Variants in TRIM24 observed in about 807,000 individuals in gnomAD.
TRIM24 encodes the protein transcription intermediary factor 1-alpha.
In TRIM24, 29 loss-of-function variants were observed where a neutral mutation model predicts 123.9. The ratio of observed to expected loss-of-function variants is 0.23; its 90% confidence interval spans 0.17 to 0.32. The LOEUF (loss-of-function observed/expected upper bound fraction) is 0.32, where lower values mean the gene tolerates loss of function less well. TRIM24 is among the 10% of genes least tolerant of loss of function. The probability of loss-of-function intolerance (pLI) is 1.00; values close to 1 mark genes in which losing one functional copy is unlikely to be tolerated. For synonymous variants in TRIM24, 456 were observed against 461.1 expected, an observed-to-expected ratio of 0.99 and a Z score of 0.14; for missense variants, 932 against 1,295.3, an observed-to-expected ratio of 0.72 and a Z score of 4.31.
At position 138,464,232 on chromosome 7, in the gene TRIM24, G is replaced by A. The variant is rs192251167; in HGVS notation, c.364+3320G>A. On this transcript the variant is annotated intron_variant, in intron 1 of 18. Transcript: ENST00000343526. Reference sequence around the variant, plus strand: ...AGGATGGTCTCGATCTCCTGACCTTGTGATCCGCCTGCCTTGGCCCCCAGA... The same window carrying A: ...AGGATGGTCTCGATCTCCTGACCTTATGATCCGCCTGCCTTGGCCCCCAGA... Among the ~76,000 whole-genome samples, 476 of 151,866 alleles carry A rather than the reference G, an allele frequency of 3.1e-3. 4 individuals are homozygous for A. Among genetic ancestry groups the A allele is most frequent in the African/African-American group, 0.011 (455 of 41,382 alleles).
rs975015266 is a variant in TRIM24 at position 138,586,249 on chromosome 7, A to G, written c.*1298A>G. On this transcript the variant is annotated 3_prime_UTR_variant, in exon 19 of 19. Transcript: ENST00000343526. The stretch of plus-strand genomic sequence containing the variant: ...ATCCAGCATTTGACACAATATCTAA[A>G]TGGTTTGCCGAAGTTAATCTGTATT... 14 of 177,280 alleles carry G rather than the reference A, an allele frequency of 7.9e-5. No homozygotes were observed. Among genetic ancestry groups the G allele is most frequent in the Admixed American group, 6.2e-4 (11 of 17,640 alleles). The allele number at this position is 177,280 out of a possible 1,614,324, so 11.0% of individuals were successfully genotyped here.
chr7:138,564,439 A>G (rs1308823187), intron 9 of TRIM24, among the ~76,000 whole-genome samples: 1 of 152,124 alleles, frequency 6.6e-6, no homozygotes, highest in Non-Finnish European at 1.5e-5. Context: ...ATGGAAGAGG[A>G]ATTTCTATCT....
intron 1 of TRIM24, among the ~76,000 whole-genome samples, chr7:138,474,428 C>A (rs1584686039): frequency 1.3e-5 from 2 of 152,076 alleles, no homozygotes; most frequent in Middle Eastern, 6.8e-3. Flanking sequence ...CCCGGCCTAT[C>A]TTGTACTTTT....
At chr7:138,535,471 A>G (rs984879961) in intron 6 of TRIM24, among the ~76,000 whole-genome samples, 1 of 152,076 alleles carries the variant, frequency 6.6e-6, no homozygotes, top group African/African-American at 2.4e-5. Context: ...TCCTTCACTT[A>G]TGAAGCTTAG....
chr7:138,513,171 T>A (rs1796325713), intron 2 of TRIM24, among the ~76,000 whole-genome samples: 2 of 152,186 alleles, frequency 1.3e-5, no homozygotes, highest in Non-Finnish European at 1.5e-5. Flanking sequence ...CAGCCTGGAC[T>A]TCATTGTCAT....
rs79511664 is a variant in TRIM24, at chr7:138,539,340, A to C, written c.1143+537A>C. ...ATCTGTAGTGCTGGATATTTTTGCC[A>C]CAGAAAAATAGCTCTGTGATTTGGT... On this transcript the variant is annotated intron_variant, in intron 7 of 18. Transcript: ENST00000343526. Among the ~76,000 whole-genome samples, 648 of 152,182 alleles carry C rather than the reference A, an allele frequency of 4.3e-3. 6 individuals carry two copies. The highest frequency in any genetic ancestry group is 0.015 in the African/African-American group (633 of 41,530).
At chr7:138,551,991 T>C (rs902588997) in intron 8 of TRIM24, among the ~76,000 whole-genome samples, 1 of 152,234 alleles carries the variant, frequency 6.6e-6, no homozygotes, top group Admixed American at 6.5e-5. Context: ...CATAATGATA[T>C]CTCAATCAGT....
intron 2 of TRIM24, among the ~76,000 whole-genome samples, chr7:138,507,251 C>G (rs1270048748): frequency 2.0e-5 from 3 of 152,030 alleles, no homozygotes; most frequent in African/African-American, 7.3e-5. Context: ...GGACCCATCG[C>G]CTAGATCAAT....
intron 4 of TRIM24, among the ~76,000 whole-genome samples, chr7:138,520,439 A>G (rs761433554): frequency 1.3e-5 from 2 of 152,258 alleles, no homozygotes; most frequent in African/African-American, 4.8e-5. Flanking sequence ...AACTTATTCA[A>G]TAATGAATTT....
chr7:138,567,705 T>G, intron 10 of TRIM24, 51 bp downstream of exon 10: 2 of 1,495,788 alleles, frequency 1.3e-6, no homozygotes, highest in Non-Finnish European at 1.8e-6. Flanking sequence ...CTTTCTACTT[T>G]CAAATCACAA....
At chr7:138,520,461 T>C (rs955358499) in intron 4 of TRIM24, among the ~76,000 whole-genome samples, 2 of 152,182 alleles carry the variant, frequency 1.3e-5, no homozygotes, top group Non-Finnish European at 1.5e-5. Context: ...GCAAAAACAG[T>C]ATTCACAGAA....
rs77793723 is a variant in TRIM24, at chr7:138,506,470, A to G, written c.483+2062A>G. Among the ~76,000 whole-genome samples the G allele has an allele frequency of 1.1e-3, 174 of 152,330 alleles. 3 individuals carry two copies. The East Asian group carries it at 0.03, about 26-fold the overall frequency. On this transcript the variant is annotated intron_variant, in intron 2 of 18. Transcript: ENST00000343526. ...TCATAGTAGTATCTGTGTATGCTCA[A>G]TCCAGAAAACTAAAAAATACAGTAG...
intron 1 of TRIM24, among the ~76,000 whole-genome samples, chr7:138,463,043 G>GTTTTTTTTTTTTTTTTTTTTT (rs57719141): frequency 1.7e-5 from 1 of 60,132 alleles, no homozygotes; most frequent in Non-Finnish European, 2.8e-5. Context: ...CTAATTTTGT[G>GTTTTTTTTTTTTTTTTTTTTT]TTTTTTTTTT....
In TRIM24 at chr7:138,522,123, T is replaced by A. The variant is rs530671456; in HGVS notation, c.764+2802T>A. On this transcript the variant is annotated intron_variant, in intron 4 of 18. Transcript: ENST00000343526. Reference sequence around the variant, plus strand: ...GCAAGACCTATCTCTAAAAAATAAGTAAGTAAGTAAATAAATAAATAACAA... The same window carrying A: ...GCAAGACCTATCTCTAAAAAATAAGAAAGTAAGTAAATAAATAAATAACAA... Among the ~76,000 whole-genome samples, 14 of 151,820 alleles carry A rather than the reference T, an allele frequency of 9.2e-5. 1 individual carries two copies. Among genetic ancestry groups the A allele is most frequent in the African/African-American group, 3.4e-4 (14 of 41,376 alleles).
In TRIM24 at chr7:138,474,157, G is replaced by T. The variant is rs182199573; in HGVS notation, c.364+13245G>T. Reference sequence around the variant, plus strand: ...TTTTTTTTTTTTGAGACGGAGTCTTGCTGTATCACCCAGGCTGGAGTGCAG... The same window carrying T: ...TTTTTTTTTTTTGAGACGGAGTCTTTCTGTATCACCCAGGCTGGAGTGCAG... On this transcript the variant is annotated intron_variant, in intron 1 of 18. Transcript: ENST00000343526. 5.7e-4 allele frequency among the ~76,000 whole-genome samples: 71 copies of T among 124,376 alleles called. 1 individual carries two copies. The highest frequency in any genetic ancestry group is 2.2e-3 in the African/African-American group (70 of 31,714). 81.6% of individuals were successfully genotyped at this position (124,376 alleles called of 152,430 possible). A position where few individuals can be genotyped will look rare whatever the true frequency, so the allele number is the denominator to read the frequency against.
intron 5 of TRIM24, among the ~76,000 whole-genome samples, chr7:138,528,823 T>C (rs1429632309): frequency 8.2e-6 from 1 of 121,848 alleles, no homozygotes; most frequent in African/African-American, 3.1e-5. Flanking sequence ...TTGATTTTCC[T>C]GGGTGTTCTC....
At chr7:138,525,497 A>C (rs1231408423) in intron 5 of TRIM24, 140 bp downstream of exon 5, 5 of 411,032 alleles carry the variant, frequency 1.2e-5, no homozygotes, top group African/African-American at 2.1e-5. Flanking sequence ...CTTTCCCAGA[A>C]ACTTAGTTGG....
chr7:138,495,627 T>G (rs1211424017), intron 1 of TRIM24, among the ~76,000 whole-genome samples: 1 of 152,152 alleles, frequency 6.6e-6, no homozygotes, highest in Admixed American at 6.5e-5. Context: ...TATCTTTTTT[T>G]TATAGGGATG....
At chr7:138,508,682 T>TGCGCGCGCGC (rs1200648763) in intron 2 of TRIM24, among the ~76,000 whole-genome samples, 1 of 47,120 alleles carries the variant, frequency 2.1e-5, no homozygotes, top group African/African-American at 8.1e-5. Flanking sequence ...TGTGTGTGTG[T>TGCGCGCGCGC]GTGTGTGTGT....
Sources: allele counts gnomAD v4.1 joint callset (sites outside exome capture counted in the v4.1 genomes callset), GRCh38; gene constraint gnomAD v4.1.1; transcripts MANE v1.5; gene names NCBI Gene and HGNC (gene_info 2026-07-23, HGNC 2026-07-21).